The following C12orf42 variants were observed in gnomAD, a reference collection of about 807,000 sequenced individuals.
C12orf42 encodes the protein chromosome 12 open reading frame 42.
C12orf42 carries 25 observed loss-of-function variants against 21.6 expected under a neutral mutation model. The observed-to-expected ratio is 1.16, with a 90% CI of 0.84 to 1.62. The LOEUF (loss-of-function observed/expected upper bound fraction) is 1.62, where lower values mean the gene tolerates loss of function less well. C12orf42 is among the 40% of genes most tolerant of loss of function. The pLI is 0.00. For missense variants in C12orf42, 483 were observed against 459.3 expected (o/e 1.05, Z -0.47); for synonymous variants, 174 against 175.0 (o/e 0.99, Z 0.05).
chr12:103,110,656 T>C, the C12orf42 span, among the ~76,000 whole-genome samples: 4 of 152,192 alleles, frequency 2.6e-5, no homozygotes, highest in Admixed American at 2.0e-4. Context: ...TTCTGGCTAA[T>C]GCAAATACTG....
intron 4 of C12orf42, among the ~76,000 whole-genome samples, chr12:103,319,356 T>C (rs1218387876): frequency 6.6e-6 from 1 of 152,008 alleles, no homozygotes; most frequent in African/African-American, 2.4e-5. Flanking sequence ...GGGGAAAGAG[T>C]CACACAGGGA....
the C12orf42 span, among the ~76,000 whole-genome samples, chr12:103,525,490 G>A: frequency 2.6e-5 from 4 of 152,068 alleles, no homozygotes; most frequent in Non-Finnish European, 5.9e-5. Context: ...GGTGATGATG[G>A]ATCAAGCTTG....
At chr12:103,299,344 CTGT>C (rs1464567688), downstream of C12orf42, among the ~76,000 whole-genome samples, 1 of 151,420 alleles carries the variant, frequency 6.6e-6, no homozygotes, top group African/African-American at 2.4e-5. Flanking sequence ...TAAATATTAG[CTGT>C]TATTATAATT....
At chr12:103,176,036 C>T in the C12orf42 span, among the ~76,000 whole-genome samples, 1 of 152,090 alleles carries the variant, frequency 6.6e-6, no homozygotes, top group Non-Finnish European at 1.5e-5. Flanking sequence ...TGTTGTCCTG[C>T]AGGCTTCATC....
rs1212474504 is a variant in C12orf42 at position 103,449,685 on chromosome 12, T to C, written c.78+28664A>G. Among the ~76,000 whole-genome samples, 6 of 152,024 alleles carry C rather than the reference T, an allele frequency of 3.9e-5. No individual in the cohort carries two copies. In the South Asian group the frequency reaches 1.2e-3, roughly 32 times the overall value. The stretch of plus-strand genomic sequence containing the variant: ...TTAATTGCTACCTATTTATAACAAT[T>C]CTTGATATCTAATAAGGCAATTCTC... On this transcript the variant is annotated intron_variant, in intron 2 of 5. Coordinates refer to ENST00000548883, the MANE Select transcript of C12orf42 (RefSeq NM_198521.5).
At chr12:103,135,388 C>G in the C12orf42 span, among the ~76,000 whole-genome samples, 7 of 151,212 alleles carry the variant, frequency 4.6e-5, no homozygotes, top group African/African-American at 1.7e-4. Context: ...AGCCCCAAAG[C>G]GGAGGTTGCA....
chr12:103,351,715 A>G (rs1488206203), intron 4 of C12orf42, among the ~76,000 whole-genome samples: 1 of 152,128 alleles, frequency 6.6e-6, no homozygotes, highest in Non-Finnish European at 1.5e-5. Flanking sequence ...ACCCCTAAGA[A>G]GTAGAGCCCA....
the C12orf42 span, among the ~76,000 whole-genome samples, chr12:103,554,623 C>G: frequency 0.018 from 2,653 of 151,290 alleles, 90 homozygotes; most frequent in African/African-American, 0.061. Flanking sequence ...ATGGGCTGTA[C>G]AGGCTTCTGC....
At chr12:103,365,909 A>G (rs1274557639) in intron 4 of C12orf42, among the ~76,000 whole-genome samples, 2 of 152,066 alleles carry the variant, frequency 1.3e-5, no homozygotes, top group Non-Finnish European at 2.9e-5. Flanking sequence ...GCCAAAAGCA[A>G]TCTACAAATT....
chr12:103,064,490 C>G, the C12orf42 span, among the ~76,000 whole-genome samples: 47 of 152,290 alleles, frequency 3.1e-4, no homozygotes, highest in African/African-American at 1.1e-3. Flanking sequence ...TGTATTCCTA[C>G]TTAATTTATA....
the C12orf42 span, among the ~76,000 whole-genome samples, chr12:103,169,980 GT>G: frequency 1.1e-4 from 17 of 152,084 alleles, no homozygotes; most frequent in African/African-American, 4.1e-4. Flanking sequence ...AATAAAGTAT[GT>G]TTAATTTTGT....
chr12:103,436,465 T>G (rs547042171), intron 2 of C12orf42, among the ~76,000 whole-genome samples: 25 of 152,012 alleles, frequency 1.6e-4, no homozygotes, highest in Non-Finnish European at 2.8e-4. Flanking sequence ...GCAAATTGGA[T>G]AAAGAGTCAA....
the C12orf42 span, among the ~76,000 whole-genome samples, chr12:103,075,011 C>G: frequency 6.6e-6 from 1 of 152,104 alleles, no homozygotes; most frequent in African/African-American, 2.4e-5. Context: ...TCACTTGAGC[C>G]TGGGAGGTTA....
chr12:103,516,563 A>G, the C12orf42 span, among the ~76,000 whole-genome samples: 1 of 152,208 alleles, frequency 6.6e-6, no homozygotes, highest in Non-Finnish European at 1.5e-5. Context: ...CATGTCTTAC[A>G]TGGTGGCAGA....
At chr12:103,345,613 G>GCCATATTTAATATTCCTATTAAATATGT (rs2042550827) in intron 4 of C12orf42, among the ~76,000 whole-genome samples, 1 of 152,104 alleles carries the variant, frequency 6.6e-6, no homozygotes, top group Admixed American at 6.6e-5. Context: ...TATGTAGCCA[G>GCCATATTTAATATTCCTATTAAATATGT]AGCAATAGTT....
chr12:103,539,362 C>CT, the C12orf42 span, among the ~76,000 whole-genome samples: 5 of 149,300 alleles, frequency 3.3e-5, no homozygotes, highest in Admixed American at 6.7e-5. Flanking sequence ...ATGCTTGGTT[C>CT]TTTTTTTTTT....
At chr12:103,434,922 C>T (rs1328505831) in intron 2 of C12orf42, among the ~76,000 whole-genome samples, 1 of 152,246 alleles carries the variant, frequency 6.6e-6, no homozygotes, top group African/African-American at 2.4e-5. Context: ...GCCTGCCTGC[C>T]TCTGCAGGCT....
chr12:103,232,554 C>CA, the C12orf42 span, among the ~76,000 whole-genome samples: 1 of 151,826 alleles, frequency 6.6e-6, no homozygotes, highest in African/African-American at 2.4e-5. Flanking sequence ...ACTAAAAATA[C>CA]AAAAAAATTA....
At chr12:103,122,033 C>T in the C12orf42 span, among the ~76,000 whole-genome samples, 1 of 152,116 alleles carries the variant, frequency 6.6e-6, no homozygotes, top group Non-Finnish European at 1.5e-5. Flanking sequence ...TTGTTTTTTT[C>T]TGCAAAATTC....
Sources: gnomAD v4.1 joint callset for allele counts (sites outside exome capture counted in the v4.1 genomes callset) on GRCh38, gnomAD v4.1.1 for gene constraint, MANE v1.5 for transcripts, NCBI Gene and HGNC (gene_info 2026-07-23, HGNC 2026-07-21) for gene names.